Variants in MAP2K5 observed in about 807,000 individuals in gnomAD.
MAP2K5 encodes the protein mitogen-activated protein kinase kinase 5.
In MAP2K5, 49 loss-of-function variants were observed where a neutral mutation model predicts 83.1. The ratio of observed to expected loss-of-function variants is 0.59; its 90% CI spans 0.47 to 0.75. The LOEUF (loss-of-function observed/expected upper bound fraction) is 0.75. Among genes scored for constraint, MAP2K5 ranks in the 30% least tolerant of loss-of-function variants. MAP2K5 has a pLI of 0.00. For synonymous variants in MAP2K5, 202 were observed against 191.8 expected, an observed-to-expected ratio of 1.05 and a Z score of -0.44; for missense variants, 457 against 557.5, an observed-to-expected ratio of 0.82 and a Z score of 1.82.
At chr15:67,759,710 A>C (rs2089913318) in intron 19 of MAP2K5, among the ~76,000 whole-genome samples, 1 of 152,190 alleles carries the variant, frequency 6.6e-6, no homozygotes, top group Non-Finnish European at 1.5e-5. Flanking sequence ...TCCTATTCCC[A>C]GCATCCCAAG....
In MAP2K5 at chr15:67,552,626, G is replaced by A. The variant is rs913739181; in HGVS notation, c.184+2544G>A. ...ATTAAAAAAATTTTTTTGTAGAAAC[G>A]GGGTCTTGCTGTGTTGCTCAGGCTG... is the stretch of plus-strand genomic sequence containing the variant. On this transcript the variant is annotated intron_variant, in intron 2 of 21. Coordinates refer to ENST00000178640, the MANE Select transcript of MAP2K5 (RefSeq NM_145160.3). This position sits in a 1 kb window ranked among gnomAD's most constrained non-coding sequence, Gnocchi z 4.2. 2.0e-5 allele frequency among the ~76,000 whole-genome samples: 3 copies of A among 151,988 alleles called. No individual in the cohort carries two copies. Among genetic ancestry groups the A allele is most frequent in the African/African-American group, 4.8e-5 (2 of 41,358 alleles).
intron 19 of MAP2K5, among the ~76,000 whole-genome samples, chr15:67,759,233 A>G (rs2141287222): frequency 6.6e-6 from 1 of 152,216 alleles, no homozygotes; most frequent in South Asian, 2.1e-4. Flanking sequence ...GATGGCAAGA[A>G]TGATTGCCTA....
chr15:67,769,570 A>T lies in MAP2K5; in HGVS notation c.1135-32A>T. The T allele has an allele frequency of 6.2e-7, 1 of 1,606,598 alleles. No homozygotes were observed. Among genetic ancestry groups the T allele is most frequent in the Non-Finnish European group, 8.5e-7 (1 of 1,173,438 alleles). ...TAAAGAAAGAGAAGGAACTGTTGTGACTTTTGGTGACATGTTTTTCCTCCA... is the reference window on the plus strand; with the variant it reads ...TAAAGAAAGAGAAGGAACTGTTGTGTCTTTTGGTGACATGTTTTTCCTCCA... On this transcript the variant is annotated intron_variant, in intron 19 of 21. Transcript: ENST00000178640. The surrounding 1 kb of genome is among the most constrained non-coding windows in gnomAD (Gnocchi z 5.2).
chr15:67,697,060 T>A (rs1043959094), intron 15 of MAP2K5, among the ~76,000 whole-genome samples: 12 of 152,132 alleles, frequency 7.9e-5, no homozygotes, highest in Non-Finnish European at 1.6e-4. Flanking sequence ...GATGCTTGCA[T>A]AAGAGAAAGA....
intron 17 of MAP2K5, among the ~76,000 whole-genome samples, chr15:67,728,189 G>C (rs190324854): frequency 1.0e-3 from 156 of 151,968 alleles, no homozygotes; most frequent in African/African-American, 3.7e-3. Flanking sequence ...TGACATTCGG[G>C]ATTGTTTTTT....
intron 21 of MAP2K5, among the ~76,000 whole-genome samples, chr15:67,776,437 C>T (rs2090240384): frequency 6.6e-6 from 1 of 152,042 alleles, no homozygotes; most frequent in African/African-American, 2.4e-5. Context: ...TGCAGGGATT[C>T]CATGGCTTAT....
At chr15:67,729,080 C>G (rs2089165728) in intron 17 of MAP2K5, among the ~76,000 whole-genome samples, 1 of 152,166 alleles carries the variant, frequency 6.6e-6, no homozygotes, top group African/African-American at 2.4e-5. Context: ...GTAATCTTTT[C>G]CTTATAGAGA....
rs369005394 is a variant in MAP2K5 at position 67,806,684 on chromosome 15, C to T, written c.1281C>T (p.Ala427=). 3.4e-5 allele frequency: 52 copies of T among 1,551,502 alleles called. No homozygotes were observed. The highest frequency in any genetic ancestry group is 1.9e-4 in the African/African-American group (14 of 73,230). Residue 427 remains alanine (A), a synonymous_variant, in exon 22 of 22, where the codon GCC becomes GCT. Coordinates refer to ENST00000178640, the MANE Select transcript of MAP2K5 (RefSeq NM_145160.3). ...PFIVQFNDGN[A]AVVSMWVCRA... Reference sequence around the variant, plus strand: ...TCGTGCAGTTCAATGATGGAAATGCCGCCGTGGTGTCCATGTGGGTGTGCC... The same window carrying T: ...TCGTGCAGTTCAATGATGGAAATGCTGCCGTGGTGTCCATGTGGGTGTGCC...
At position 67,692,681 on chromosome 15, in the gene MAP2K5, G is replaced by A. The variant is rs1302925725; in HGVS notation, c.921+129G>A. ...GAAACTCTGCATCTTTTCCTCATCTGGGAGTGTGTTATTCATTTTTAATCT... is the reference window on the plus strand; with the variant it reads ...GAAACTCTGCATCTTTTCCTCATCTAGGAGTGTGTTATTCATTTTTAATCT... On this transcript the variant is annotated intron_variant, in intron 14 of 21. Transcript: ENST00000178640. 7.7e-6 allele frequency: 5 copies of A among 646,882 alleles called. No individual in the cohort carries two copies. In the Admixed American group the frequency reaches 1.4e-4, roughly 19 times the overall value. 40.1% of individuals were successfully genotyped at this position (646,882 alleles called of 1,614,324 possible).
intron 21 of MAP2K5, among the ~76,000 whole-genome samples, chr15:67,787,292 G>A (rs1158147488): frequency 6.6e-6 from 1 of 152,242 alleles, no homozygotes; most frequent in Non-Finnish European, 1.5e-5. Context: ...TTCAGCGCTT[G>A]TAGCTGTTTG....
intron 17 of MAP2K5, among the ~76,000 whole-genome samples, chr15:67,742,973 T>C (rs1047836834): frequency 1.3e-5 from 2 of 152,204 alleles, no homozygotes; most frequent in African/African-American, 4.8e-5. Context: ...CTCCAGCTGT[T>C]GTATTTTGTG....
rs1045338458 is a variant in MAP2K5, at chr15:67,755,679, A to G, written c.1134+7078A>G. 1.3e-5 allele frequency among the ~76,000 whole-genome samples: 2 copies of G among 152,228 alleles called. No individual in the cohort carries two copies. Among genetic ancestry groups the G allele is most frequent in the East Asian group, 1.9e-4 (1 of 5,198 alleles). On this transcript the variant is annotated intron_variant, in intron 19 of 21. Transcript: ENST00000178640. The surrounding 1 kb of genome is among the most constrained non-coding windows in gnomAD (Gnocchi z 4.7). ...TTAGTACCACCATAATGATGTGCAT[A>G]TGCCAGCCAGACAGATAAGTAAACA...
At chr15:67,632,689 TC>T (rs1424525791) in intron 9 of MAP2K5, among the ~76,000 whole-genome samples, 8 of 152,344 alleles carry the variant, frequency 5.3e-5, no homozygotes, top group Admixed American at 3.9e-4. Context: ...GAGAAATTGA[TC>T]TCTTTCTCTA....
At chr15:67,656,545 TCTCA>T (rs2087083983) in intron 11 of MAP2K5, among the ~76,000 whole-genome samples, 1 of 152,044 alleles carries the variant, frequency 6.6e-6, no homozygotes, top group African/African-American at 2.4e-5. Flanking sequence ...CCTAGGCTGG[TCTCA>T]AACTCCTGAC....
chr15:67,706,238 G>A (rs550696677), intron 16 of MAP2K5, among the ~76,000 whole-genome samples: 4 of 152,328 alleles, frequency 2.6e-5, no homozygotes, highest in African/African-American at 9.6e-5. Context: ...TCTTTGTAGT[G>A]TAAGGAAGGA....
Position 67,561,859 on chromosome 15 carries a change from AC to A in MAP2K5, c.185-1423del, listed in dbSNP as rs967870657. Among the ~76,000 whole-genome samples the A allele has an allele frequency of 6.6e-6, 1 of 152,166 alleles. No individual in the cohort carries two copies. Among genetic ancestry groups the A allele is most frequent in the Non-Finnish European group, 1.5e-5 (1 of 68,028 alleles). On this transcript the variant is annotated intron_variant, in intron 2 of 21. Transcript: ENST00000178640. The surrounding 1 kb of genome is among the most constrained non-coding windows in gnomAD (Gnocchi z 4.2). ...CAAGCAGGGGGATATCCTTGGAACT[AC>A]AGCCAGACAGGAGGGAAGACCCACT...
At position 67,652,018 on chromosome 15, in the gene MAP2K5, C is replaced by T. The variant is rs1421059372; in HGVS notation, c.736+5549C>T. Among the ~76,000 whole-genome samples, 1 of 152,178 alleles carries T rather than the reference C, an allele frequency of 6.6e-6. No homozygotes were observed. Among genetic ancestry groups the T allele is most frequent in the African/African-American group, 2.4e-5 (1 of 41,444 alleles). On this transcript the variant is annotated intron_variant, in intron 11 of 21. Transcript: ENST00000178640. This position sits in a 1 kb window ranked among gnomAD's most constrained non-coding sequence, Gnocchi z 4.2. ...GGTTCCCCTTTCTCCACATCCTTGC[C>T]AGCATCTATTATTCCCTGTCTTTTT...
intron 3 of MAP2K5, among the ~76,000 whole-genome samples, chr15:67,570,049 C>T (rs541220787): frequency 1.7e-4 from 26 of 152,352 alleles, no homozygotes; most frequent in African/African-American, 5.5e-4. Flanking sequence ...GGTAATAACT[C>T]TGAAAGTTTC....
chr15:67,662,039 T>C (rs1298053770), intron 12 of MAP2K5, among the ~76,000 whole-genome samples: 2 of 152,178 alleles, frequency 1.3e-5, no homozygotes, highest in East Asian at 1.9e-4. Flanking sequence ...TGTTTTATTG[T>C]AATGCCAGTT....
Sources: allele counts gnomAD v4.1 joint callset (sites outside exome capture counted in the v4.1 genomes callset), GRCh38; gene constraint gnomAD v4.1.1; non-coding constraint Gnocchi (gnomAD v3.1); transcripts MANE v1.5; gene names NCBI Gene and HGNC (gene_info 2026-07-23, HGNC 2026-07-21).